IPMK: variants seen among roughly 807,000 people sequenced by gnomAD.
IPMK encodes the protein inositol polyphosphate multikinase.
In IPMK, 17 loss-of-function variants were observed where a neutral mutation model predicts 45.8. The ratio of observed to expected loss-of-function variants is 0.37; its 90% CI spans 0.25 to 0.56. IPMK has a LOEUF of 0.56. IPMK is among the 20% of genes least tolerant of loss of function. IPMK has a pLI of 0.79. For missense variants in IPMK, 399 were observed against 498.0 expected (o/e 0.80, Z 1.89); for synonymous variants, 180 against 184.3 (o/e 0.98, Z 0.19).
At chr10:58,246,552 G>T (rs1324513414) in intron 1 of IPMK, among the ~76,000 whole-genome samples, 2 of 134,298 alleles carry the variant, frequency 1.5e-5, no homozygotes, top group African/African-American at 3.4e-5. Context: ...AAGCAATGGG[G>T]AAAGGATTCC....
chr10:58,217,389 G>A (rs1838260022), intron 3 of IPMK, among the ~76,000 whole-genome samples: 1 of 151,656 alleles, frequency 6.6e-6, no homozygotes, highest in Admixed American at 6.6e-5. Flanking sequence ...CTCCTTTCCT[G>A]GGTTAAAGAA....
At chr10:58,223,822 A>G (rs1838373210) in intron 3 of IPMK, among the ~76,000 whole-genome samples, 1 of 152,118 alleles carries the variant, frequency 6.6e-6, no homozygotes, top group Non-Finnish European at 1.5e-5. Flanking sequence ...GAGATCTGAT[A>G]GTTTTAAAAG....
At chr10:58,205,889 CT>C (rs560019523) in intron 4 of IPMK, among the ~76,000 whole-genome samples, 1 of 152,146 alleles carries the variant, frequency 6.6e-6, no homozygotes, top group Admixed American at 6.5e-5. Flanking sequence ...TGGAAAAACA[CT>C]TTGGCAGTTT....
At chr10:58,236,233 C>T (rs1356999773) in intron 2 of IPMK, among the ~76,000 whole-genome samples, 2 of 151,932 alleles carry the variant, frequency 1.3e-5, no homozygotes, top group African/African-American at 4.8e-5. Context: ...ACCTAAAGAA[C>T]AAAACTCTTA....
intron 1 of IPMK, among the ~76,000 whole-genome samples, chr10:58,245,417 T>C (rs1041798166): frequency 2.6e-5 from 4 of 151,768 alleles, no homozygotes; most frequent in Non-Finnish European, 5.9e-5. Flanking sequence ...TTCAAAACCA[T>C]CCTGGCCATC....
intron 1 of IPMK, among the ~76,000 whole-genome samples, chr10:58,261,523 T>C (rs1299701792): frequency 6.6e-6 from 1 of 151,484 alleles, no homozygotes. Context: ...TGAATACTAC[T>C]ACTGCGAAAA....
intron 1 of IPMK, among the ~76,000 whole-genome samples, chr10:58,247,164 G>A (rs1838813989): frequency 1.4e-5 from 2 of 146,408 alleles, no homozygotes; most frequent in Admixed American, 6.6e-5. Flanking sequence ...AACAGGTACT[G>A]GAGAGGATGT....
At chr10:58,252,221 A>G (rs1473908442) in intron 1 of IPMK, among the ~76,000 whole-genome samples, 2 of 152,220 alleles carry the variant, frequency 1.3e-5, no homozygotes, top group Non-Finnish European at 2.9e-5. Context: ...TAAACTGATA[A>G]CAACTCAATG....
intron 2 of IPMK, among the ~76,000 whole-genome samples, chr10:58,236,921 T>G (rs1445345318): frequency 1.3e-5 from 2 of 151,950 alleles, no homozygotes; most frequent in Non-Finnish European, 1.5e-5. Flanking sequence ...AATGCAAAAA[T>G]TAGCCGGGCT....
chr10:58,228,143 C>T (rs1006266884), intron 2 of IPMK, among the ~76,000 whole-genome samples: 4 of 152,144 alleles, frequency 2.6e-5, no homozygotes, highest in African/African-American at 9.7e-5. Context: ...AGTAAGTATA[C>T]CTGAACGTCC....
chr10:58,263,088 A>T (rs1839098794), intron 1 of IPMK, among the ~76,000 whole-genome samples: 1 of 152,236 alleles, frequency 6.6e-6, no homozygotes, highest in African/African-American at 2.4e-5. Flanking sequence ...AACAGAAAAC[A>T]TTAACTATAT....
At chr10:58,218,137 C>T (rs1438424512) in intron 3 of IPMK, among the ~76,000 whole-genome samples, 2 of 152,172 alleles carry the variant, frequency 1.3e-5, no homozygotes, top group Non-Finnish European at 2.9e-5. Flanking sequence ...CCAAATATGA[C>T]AAAAAAGTTA....
At position 58,194,264 on chromosome 10, in the gene IPMK, C is replaced by T. The variant is rs972719420; in HGVS notation, c.*1812G>A. 2 of 151,658 alleles carry T rather than the reference C, an allele frequency of 1.3e-5. No homozygotes were observed. Among genetic ancestry groups the T allele is most frequent in the African/African-American group, 4.8e-5 (2 of 41,368 alleles). 9.4% of individuals were successfully genotyped at this position (151,658 alleles called of 1,614,324 possible). Reference sequence around the variant, plus strand: ...TCTGAGCTTAAGATTTATTGAACCACTATCCAAATAACAACAAAATCCATA... The same window carrying T: ...TCTGAGCTTAAGATTTATTGAACCATTATCCAAATAACAACAAAATCCATA... On this transcript the variant is annotated 3_prime_UTR_variant, in exon 6 of 6. Transcript: ENST00000373935.
At chr10:58,202,726 C>T (rs771340362) in intron 4 of IPMK, among the ~76,000 whole-genome samples, 1 of 152,112 alleles carries the variant, frequency 6.6e-6, no homozygotes, top group Non-Finnish European at 1.5e-5. Flanking sequence ...GACAGCACAT[C>T]TGTTTATAGC....
intron 1 of IPMK, among the ~76,000 whole-genome samples, chr10:58,246,116 A>G (rs1214984414): frequency 7.6e-6 from 1 of 131,502 alleles, no homozygotes; most frequent in Non-Finnish European, 1.5e-5. Flanking sequence ...GGACCTCTTC[A>G]AGGAGAACTA....
At chr10:58,198,990 AT>A (rs958484059) in intron 5 of IPMK, among the ~76,000 whole-genome samples, 57 of 149,648 alleles carry the variant, frequency 3.8e-4, no homozygotes, top group East Asian at 9.8e-4. Context: ...ACAGCTGTTC[AT>A]TTTTTTTTTA....
chr10:58,253,922 T>A (rs1838924367), intron 1 of IPMK, among the ~76,000 whole-genome samples: 1 of 152,126 alleles, frequency 6.6e-6, no homozygotes, highest in African/African-American at 2.4e-5. Flanking sequence ...GGGGCTCCAT[T>A]GACTGAGATA....
At chr10:58,216,531 G>A (rs1279776515) in intron 3 of IPMK, among the ~76,000 whole-genome samples, 1 of 150,944 alleles carries the variant, frequency 6.6e-6, no homozygotes, top group Admixed American at 6.6e-5. Context: ...TGCAGGAGGT[G>A]AATTAAATAA....
chr10:58,229,559 T>A (rs1210925590), intron 2 of IPMK, among the ~76,000 whole-genome samples: 1 of 42,716 alleles, frequency 2.3e-5, no homozygotes, highest in Admixed American at 1.8e-4. Flanking sequence ...CGAGACCACG[T>A]CTCAAAAAAA....
Sources: allele counts gnomAD v4.1 joint callset (sites outside exome capture counted in the v4.1 genomes callset), GRCh38; gene constraint gnomAD v4.1.1; transcripts MANE v1.5; gene names NCBI Gene and HGNC (gene_info 2026-07-23, HGNC 2026-07-21).